The following DGKK variants were observed in gnomAD, a reference collection of about 807,000 sequenced individuals.
DGKK encodes the protein diacylglycerol kinase kappa, also known as 142 kDa diacylglycerol kinase.
In DGKK, 35 loss-of-function variants were observed where a neutral mutation model predicts 92.2. The observed-to-expected ratio is 0.38, with a 90% CI of 0.29 to 0.50. The LOEUF is 0.50. Ranked by LOEUF, DGKK falls within the 20% of genes least tolerant of loss-of-function variation. DGKK has a pLI of 0.92. For missense variants in DGKK, 910 were observed against 992.2 expected (o/e 0.92, Z 1.11); for synonymous variants, 368 against 360.6 (o/e 1.02, Z -0.23).
intron 1 of DGKK, among the ~76,000 whole-genome samples, chrX:50,465,554 A>G (rs1926879390): frequency 9.1e-6 from 1 of 110,311 alleles, no homozygotes; most frequent in Non-Finnish European, 1.9e-5. Context: ...TTTACAAAAC[A>G]CACACGCACC....
chrX:50,425,609 G>C (rs939404731), intron 1 of DGKK, among the ~76,000 whole-genome samples: 2 of 110,836 alleles, frequency 1.8e-5, no homozygotes, highest in Non-Finnish European at 3.8e-5. Context: ...TAACCAATTG[G>C]ATAGTACTAG....
intron 1 of DGKK, among the ~76,000 whole-genome samples, chrX:50,434,413 C>G (rs781847114): frequency 1.8e-5 from 2 of 111,812 alleles, no homozygotes; most frequent in East Asian, 5.7e-4. Flanking sequence ...AATAGCAGAG[C>G]TGGGGTTTGA....
At chrX:50,370,700 T>C (rs1330590710) in intron 26 of DGKK, among the ~76,000 whole-genome samples, 151 bp from the exon 27 acceptor site, 1 of 111,797 alleles carries the variant, frequency 8.9e-6, no homozygotes, top group Non-Finnish European at 1.9e-5. Context: ...CCATCACTGG[T>C]CGCATGCCCT....
intron 8 of DGKK, among the ~76,000 whole-genome samples, chrX:50,395,024 TG>T (rs781936558): frequency 2.0e-4 from 21 of 105,395 alleles, no homozygotes; most frequent in Middle Eastern, 4.3e-3. Context: ...GTGGAGTGAG[TG>T]GGGGGGGAGT....
In DGKK at chrX:50,404,068, T is replaced by A. The variant is rs782795257; in HGVS notation, c.1059A>T (p.Arg353Ser). The A allele has an allele frequency of 1.9e-5, 23 of 1,210,970 alleles. No homozygotes were observed. Among genetic ancestry groups the A allele is most frequent in the Non-Finnish European group, 2.6e-5 (23 of 895,236 alleles). The change falls in exon 5 of 28, where the codon AGA (arginine) becomes AGT (serine). Residue 353 changes from arginine (R) to serine (S), a missense_variant. Coordinates refer to ENST00000611977, the MANE Select transcript of DGKK (RefSeq NM_001013742.4). Reference sequence around the variant, plus strand: ...AGGTACCTTCACAGATGATGGCATCTCTAGATAAGGCAGGAATGCTCTCTC... The same window carrying A: ...AGGTACCTTCACAGATGATGGCATCACTAGATAAGGCAGGAATGCTCTCTC... ...VCRESIPALS[R>S]DAIICEVCKV...
Position 50,391,556 on chromosome X carries a change from T to A in DGKK, c.1725A>T (p.Pro575=), listed in dbSNP as rs1282526673. 5 of 1,211,191 alleles carry A rather than the reference T, an allele frequency of 4.1e-6. No individual in the cohort carries two copies. Among genetic ancestry groups the A allele is most frequent in the Non-Finnish European group, 5.6e-6 (5 of 895,112 alleles). The change falls in exon 11 of 28, where the codon CCA becomes CCT. Residue 575 remains proline, a synonymous_variant. Transcript: ENST00000611977. ...GAGCCAGATCATTGCCGGTTCCAAG[T>A]GGGATGACTGCCAACTGACACTGCA... ...LHEKCQLAVI[P]LGTGNDLARV...
intron 10 of DGKK, 98 bp downstream of exon 10, chrX:50,392,241 TAC>T (rs1924717290): frequency 1.7e-6 from 1 of 580,911 alleles, no homozygotes; most frequent in Admixed American, 3.2e-5. Flanking sequence ...AAACATATTT[TAC>T]AGACAGGGAG....
intron 8 of DGKK, among the ~76,000 whole-genome samples, chrX:50,395,514 G>A (rs1924826373): frequency 9.0e-6 from 1 of 111,374 alleles, no homozygotes; most frequent in Admixed American, 9.5e-5. Flanking sequence ...TAGTGTCAAA[G>A]GCCCTTTGGG....
chrX:50,446,059 C>T (rs150638803), intron 1 of DGKK, among the ~76,000 whole-genome samples: 4 of 111,120 alleles, frequency 3.6e-5, no homozygotes, highest in Non-Finnish European at 5.7e-5. Flanking sequence ...AATGGAATTG[C>T]GTTCCTGATT....
Position 50,386,393 on chromosome X carries a change from T to A in DGKK, c.2312A>T (p.Lys771Ile). The A allele has an allele frequency of 8.3e-7, 1 of 1,210,780 alleles. No individual in the cohort carries two copies. Residue 771 changes from lysine (K) to isoleucine (I), a missense_variant, in exon 15 of 28, where the codon AAA (lysine) becomes ATA (isoleucine). By Grantham distance (102) the Lys-to-Ile change is moderately radical (BLOSUM62 -3). Transcript: ENST00000611977. Reference sequence around the variant, plus strand: ...TTGAAATATGATGAGTTTCAAGGATTTCTGGAGACTCTGGGCCTTTGTAGC... The same window carrying A: ...TTGAAATATGATGAGTTTCAAGGATATCTGGAGACTCTGGGCCTTTGTAGC... ...ELATKAQSLQ[K>I]SLKLIIFQVE...
At chrX:50,392,705 C>T (rs1025635737) in intron 9 of DGKK, among the ~76,000 whole-genome samples, 2 of 112,316 alleles carry the variant, frequency 1.8e-5, no homozygotes, top group Non-Finnish European at 3.8e-5. Context: ...TTGCTGAGGC[C>T]CAGGAAGATG....
In DGKK at chrX:50,382,525, G is replaced by A. The variant is rs782685434; in HGVS notation, c.2628C>T (p.Thr876=). The A allele has an allele frequency of 1.6e-5, 19 of 1,209,239 alleles. No homozygotes were observed. The South Asian group carries it at 2.8e-4, about 18-fold the overall frequency. ...LDAKISLDFN[T]RRDEHPGQYN... ...ATTGCCCTGGGTGTTCATCTCTTCTGGTGTTGAAGTCCAGAGAAATTTTAG... is the reference window on the plus strand; with the variant it reads ...ATTGCCCTGGGTGTTCATCTCTTCTAGTGTTGAAGTCCAGAGAAATTTTAG... Residue 876 remains threonine, a synonymous_variant, in exon 18 of 28, where the codon ACC becomes ACT. Transcript: ENST00000611977.
intron 22 of DGKK, among the ~76,000 whole-genome samples, chrX:50,377,882 C>T (rs1197420739): frequency 5.4e-5 from 6 of 111,212 alleles, no homozygotes; most frequent in African/African-American, 2.0e-4. Flanking sequence ...AGCCTGTTTG[C>T]AAATTTGGGT....
At chrX:50,371,544 C>G (rs1557223179) in intron 26 of DGKK, among the ~76,000 whole-genome samples, 180 bp downstream of exon 26, 1 of 111,861 alleles carries the variant, frequency 8.9e-6, no homozygotes, top group African/African-American at 3.3e-5. Flanking sequence ...CTTACCCTAT[C>G]TATTTATGAT....
At chrX:50,443,430 G>T (rs781902818) in intron 1 of DGKK, among the ~76,000 whole-genome samples, 13 of 110,935 alleles carry the variant, frequency 1.2e-4, no homozygotes, top group Admixed American at 8.6e-4. Context: ...ATAAAACAAA[G>T]AAATTATGTC....
At chrX:50,375,180 T>C (rs1218024077) in intron 24 of DGKK, 123 bp from the exon 25 acceptor site, 1 of 478,397 alleles carries the variant, frequency 2.1e-6, no homozygotes, top group Non-Finnish European at 3.5e-6. Flanking sequence ...TGGCTATAGG[T>C]GAAAAAGCAA....
chrX:50,419,776 T>C lies in DGKK; in HGVS notation c.942+627A>G, dbSNP rs181370966. 1.2e-3 allele frequency among the ~76,000 whole-genome samples: 138 copies of C among 112,046 alleles called. 1 individual carries two copies. Among genetic ancestry groups the C allele is most frequent in the South Asian group, 2.3e-3 (6 of 2,655 alleles). ...GCAGAGTGTATCTCCTGAAGTTTGA[T>C]TGCACCAGTTACTGCAGGGAGCAGT... is the stretch of plus-strand genomic sequence containing the variant. On this transcript the variant is annotated intron_variant, in intron 4 of 27. Coordinates refer to ENST00000611977, the MANE Select transcript of DGKK (RefSeq NM_001013742.4).
intron 1 of DGKK, 80 bp downstream of exon 1, chrX:50,469,954 G>A: frequency 9.0e-7 from 1 of 1,113,479 alleles, no homozygotes; most frequent in Admixed American, 3.2e-5. Context: ...GATGCAAGGG[G>A]TACCCGGAGT....
chrX:50,466,019 T>TTTTA (rs1926897402), intron 1 of DGKK, among the ~76,000 whole-genome samples: 1 of 17,452 alleles, frequency 5.7e-5, no homozygotes, highest in African/African-American at 2.1e-4. Context: ...TCTTTTTTCT[T>TTTTA]TTTTTTTTTT....
Sources: allele counts gnomAD v4.1 joint callset (sites outside exome capture counted in the v4.1 genomes callset), GRCh38; gene constraint gnomAD v4.1.1; transcripts MANE v1.5; gene names NCBI Gene and HGNC (gene_info 2026-07-23, HGNC 2026-07-21).